Variants in CNTNAP5 observed in about 807,000 individuals in gnomAD.
CNTNAP5 encodes contactin-associated protein-like 5.
CNTNAP5 carries 72 observed loss-of-function variants against 150.2 expected under a neutral mutation model. The observed-to-expected ratio is 0.48, with a 90% CI of 0.40 to 0.58. The LOEUF (loss-of-function observed/expected upper bound fraction) is 0.58, where lower values mean the gene tolerates loss of function less well. Ranked by LOEUF, CNTNAP5 falls within the 20% of genes least tolerant of loss-of-function variation. CNTNAP5 has a pLI of 0.00. For synonymous variants in CNTNAP5, 672 were observed against 619.8 expected (o/e 1.08, Z -1.25); for missense variants, 1,636 against 1,626.2 (o/e 1.01, Z -0.10).
intron 3 of CNTNAP5, among the ~76,000 whole-genome samples, chr2:124,337,255 G>C (rs1020666793): frequency 6.6e-6 from 1 of 152,082 alleles, no homozygotes; most frequent in Non-Finnish European, 1.5e-5. Context: ...TGAGTTCTTT[G>C]TAGATTCTAG....
chr2:124,419,630 G>A (rs1692031041), intron 4 of CNTNAP5, among the ~76,000 whole-genome samples: 1 of 152,130 alleles, frequency 6.6e-6, no homozygotes. Context: ...GGGATAAACT[G>A]CCTTCAGGTC....
At chr2:124,593,127 A>AT (rs370794956) in intron 11 of CNTNAP5, among the ~76,000 whole-genome samples, 3,358 of 146,298 alleles carry the variant, frequency 0.023, 75 homozygotes, top group East Asian at 0.062. Flanking sequence ...TTATTTATTT[A>AT]TTATTATTAT....
intron 12 of CNTNAP5, among the ~76,000 whole-genome samples, chr2:124,642,485 C>A (rs1295466528): frequency 6.6e-6 from 1 of 152,162 alleles, no homozygotes; most frequent in East Asian, 1.9e-4. Flanking sequence ...GTGCTCAGTC[C>A]TAGCTTAGGT....
intron 13 of CNTNAP5, among the ~76,000 whole-genome samples, chr2:124,718,943 T>TAA (rs35290858): frequency 5.7e-4 from 79 of 138,596 alleles, no homozygotes; most frequent in Admixed American, 2.3e-3. Context: ...AGACTCCATC[T>TAA]AAAAAAAAAA....
At chr2:124,627,254 C>T (rs1573506745) in intron 12 of CNTNAP5, among the ~76,000 whole-genome samples, 1 of 152,166 alleles carries the variant, frequency 6.6e-6, no homozygotes, top group East Asian at 1.9e-4. Context: ...TCAAGCGGAT[C>T]CCTGACCCTG....
intron 3 of CNTNAP5, among the ~76,000 whole-genome samples, chr2:124,347,623 C>T (rs1367720663): frequency 1.3e-5 from 2 of 152,256 alleles, no homozygotes; most frequent in East Asian, 1.9e-4. Flanking sequence ...TATTGACACA[C>T]GTTTTGTGCT....
chr2:124,294,357 A>AT (rs879307399), intron 3 of CNTNAP5, among the ~76,000 whole-genome samples: 120 of 148,634 alleles, frequency 8.1e-4, no homozygotes, highest in Middle Eastern at 3.5e-3. Flanking sequence ...TAAAACAGGA[A>AT]TTTTTTTTTT....
At chr2:124,273,063 A>C (rs1687799409) in intron 3 of CNTNAP5, among the ~76,000 whole-genome samples, 1 of 152,204 alleles carries the variant, frequency 6.6e-6, no homozygotes, top group Non-Finnish European at 1.5e-5. Context: ...CAGCCTTAAG[A>C]AAGCCATTCA....
At chr2:124,392,724 G>A in intron 3 of CNTNAP5, among the ~76,000 whole-genome samples, 1 of 137,552 alleles carries the variant, frequency 7.3e-6, no homozygotes, top group African/African-American at 2.9e-5. Flanking sequence ...AAAGAAGGAG[G>A]GGAGGAAAAA....
At chr2:124,236,644 G>A (rs1261663868) in intron 2 of CNTNAP5, among the ~76,000 whole-genome samples, 1 of 152,146 alleles carries the variant, frequency 6.6e-6, no homozygotes, top group Non-Finnish European at 1.5e-5. Flanking sequence ...ACTTACAGAG[G>A]CATCGACCAT....
intron 12 of CNTNAP5, among the ~76,000 whole-genome samples, chr2:124,639,088 C>T (rs1678035598): frequency 6.6e-6 from 1 of 152,110 alleles, no homozygotes; most frequent in Non-Finnish European, 1.5e-5. Context: ...TTCTGGTAGT[C>T]CGTTAAGTGT....
At chr2:124,632,511 C>A (rs191327588) in intron 12 of CNTNAP5, among the ~76,000 whole-genome samples, 4 of 149,586 alleles carry the variant, frequency 2.7e-5, no homozygotes, top group Admixed American at 2.0e-4. Context: ...AATGAGAATA[C>A]GTGGGCACAG....
intron 1 of CNTNAP5, among the ~76,000 whole-genome samples, chr2:124,181,027 A>C (rs2104680020): frequency 6.6e-6 from 1 of 152,126 alleles, no homozygotes; most frequent in South Asian, 2.1e-4. Context: ...GTTTGAGAAA[A>C]GCCAGAATTT....
chr2:124,765,895 G>T (rs77025257), intron 16 of CNTNAP5, among the ~76,000 whole-genome samples: 12,071 of 152,008 alleles, frequency 0.079, 604 homozygotes, highest in East Asian at 0.12. Flanking sequence ...GGCAGAGGTT[G>T]CAGTAAGCCA....
chr2:124,563,182 TTTA>T (rs2104930669), intron 10 of CNTNAP5, 32 bp from the exon 11 acceptor site: 1 of 1,384,806 alleles, frequency 7.2e-7, no homozygotes, highest in East Asian at 2.4e-5. Flanking sequence ...AATGATTTGG[TTTA>T]TTTTCTTTTC....
chr2:124,188,276 T>G (rs1685378041), intron 1 of CNTNAP5, among the ~76,000 whole-genome samples: 1 of 152,222 alleles, frequency 6.6e-6, no homozygotes, highest in Non-Finnish European at 1.5e-5. Context: ...TAACAAGGTT[T>G]ATGAATCAGC....
chr2:124,485,631 A>AAAAAAAAAAAAAAAAAAG (rs1457112306), intron 7 of CNTNAP5, among the ~76,000 whole-genome samples: 4 of 134,266 alleles, frequency 3.0e-5, no homozygotes, highest in South Asian at 2.8e-4. Context: ...AAAAAAAAAA[A>AAAAAAAAAAAAAAAAAAG]AAAGAAGAAG....
In CNTNAP5 at chr2:124,527,479, T is replaced by G. The variant is rs758479733; in HGVS notation, c.1649+23T>G. ...CAGGTAATTATTGTCTCTTCTCCTC[T>G]GTTCTGCCACCCCCTTCCCATTCTT... On this transcript the variant is annotated intron_variant, in intron 10 of 23. Coordinates refer to ENST00000682447, the MANE Select transcript of CNTNAP5 (RefSeq NM_001367498.1). 1.9e-6 allele frequency: 3 copies of G among 1,577,404 alleles called. No homozygotes were observed. In the Admixed American group the frequency reaches 5.3e-5, roughly 28 times the overall value.
At chr2:124,546,795 C>T (rs979916761) in intron 10 of CNTNAP5, among the ~76,000 whole-genome samples, 3 of 152,154 alleles carry the variant, frequency 2.0e-5, no homozygotes, top group African/African-American at 7.2e-5. Flanking sequence ...AACAAATTTT[C>T]AGCCTGCATT....
Sources: allele counts gnomAD v4.1 joint callset (sites outside exome capture counted in the v4.1 genomes callset), GRCh38; gene constraint gnomAD v4.1.1; transcripts MANE v1.5; gene names NCBI Gene and HGNC (gene_info 2026-07-23, HGNC 2026-07-21).